Variants in LEO1 observed in about 807,000 individuals in gnomAD.
LEO1 encodes LEO1 component of Paf1/RNA polymerase II complex.
A neutral mutation model predicts 80.4 loss-of-function variants in LEO1; 34 were observed. That is an observed-to-expected ratio of 0.42 (90% CI 0.32 to 0.56). The LOEUF (loss-of-function observed/expected upper bound fraction) is 0.56. LEO1 is among the 20% of genes least tolerant of loss of function. The pLI, the probability that LEO1 is intolerant of heterozygous loss-of-function variation, is 0.10. For synonymous variants in LEO1, 262 were observed against 274.9 expected (o/e 0.95, Z 0.46); for missense variants, 631 against 814.2 (o/e 0.77, Z 2.74).
intron 6 of LEO1, among the ~76,000 whole-genome samples, chr15:51,958,022 A>G (rs954038574): frequency 2.1e-5 from 1 of 48,358 alleles, no homozygotes; most frequent in African/African-American, 8.5e-5. Context: ...CTCCTTCTCA[A>G]AAAAAAATAT....
At chr15:51,970,692 A>G (rs1014718616) in intron 1 of LEO1, among the ~76,000 whole-genome samples, 5 of 152,220 alleles carry the variant, frequency 3.3e-5, no homozygotes, top group African/African-American at 1.2e-4. Flanking sequence ...GCATATGAGG[A>G]GTAAGTGCTT....
intron 11 of LEO1, among the ~76,000 whole-genome samples, chr15:51,939,090 C>CAGGA (rs572967967): frequency 3.5e-4 from 53 of 152,310 alleles, no homozygotes; most frequent in African/African-American, 1.2e-3. Context: ...GAGACTGAGG[C>CAGGA]AGGAGAATCA....
chr15:51,953,595 G>A (rs2141759385), intron 7 of LEO1, among the ~76,000 whole-genome samples: 1 of 152,092 alleles, frequency 6.6e-6, no homozygotes, highest in Non-Finnish European at 1.5e-5. Flanking sequence ...ACTCCAGCCT[G>A]GGCGACAGGA....
chr15:51,943,198 T>C (rs920688066), intron 11 of LEO1, among the ~76,000 whole-genome samples: 6 of 151,298 alleles, frequency 4.0e-5, no homozygotes, highest in Non-Finnish European at 7.4e-5. Flanking sequence ...GCCAACATAG[T>C]GAAACCCCAT....
rs2057072836 is a variant in LEO1 at position 51,966,001 on chromosome 15, T to C, written c.562A>G (p.Thr188Ala). ...AGCTGAGGCCTCTCCTCATCATCTG[T>C]GTTCTGCATTTTCTCATCATCGTCA... Reference protein sequence around the residue: ...NSDDDEKMQNTDDEERPQLSD... With the variant: ...NSDDDEKMQNADDEERPQLSD... Residue 188 changes from threonine (T) to alanine (A), a missense_variant, in exon 2 of 12, where the codon ACA becomes GCA. By Grantham distance (58) the Thr-to-Ala change is moderately conservative. Transcript: ENST00000299601. The C allele has an allele frequency of 2.5e-6, 4 of 1,614,154 alleles. No homozygotes were observed. Among genetic ancestry groups the C allele is most frequent in the Non-Finnish European group, 3.4e-6 (4 of 1,180,036 alleles).
At chr15:51,970,840 T>C (rs1034755287) in intron 1 of LEO1, among the ~76,000 whole-genome samples, 2 of 152,164 alleles carry the variant, frequency 1.3e-5, no homozygotes, top group African/African-American at 4.8e-5. Flanking sequence ...AAATAGCTCC[T>C]ATTCATATTT....
chr15:51,946,715 A>AT (rs1266791153), intron 11 of LEO1, among the ~76,000 whole-genome samples: 4 of 151,716 alleles, frequency 2.6e-5, no homozygotes, highest in Non-Finnish European at 4.4e-5. Context: ...TAATTTTTGT[A>AT]TTTTTTTGGA....
At chr15:51,962,621 AC>A in intron 2 of LEO1, 128 bp from the exon 3 acceptor site, 1 of 626,550 alleles carries the variant, frequency 1.6e-6, no homozygotes, top group Non-Finnish European at 2.8e-6. Flanking sequence ...AGAGGAATGA[AC>A]TGCTGATACA....
chr15:51,944,273 A>G (rs1290892797), intron 11 of LEO1, among the ~76,000 whole-genome samples: 1 of 152,200 alleles, frequency 6.6e-6, no homozygotes, highest in African/African-American at 2.4e-5. Context: ...CATCAGAACA[A>G]TGGAGGGCAG....
chr15:51,970,493 C>A (rs867000892), intron 1 of LEO1, among the ~76,000 whole-genome samples: 2 of 152,288 alleles, frequency 1.3e-5, no homozygotes, highest in South Asian at 2.1e-4. Flanking sequence ...TTAGGGTGTG[C>A]ACATTCAATG....
rs2057008438 is a variant in LEO1, at chr15:51,958,758, G to T, written c.1229C>A (p.Thr410Asn). The change falls in exon 6 of 12, where the codon ACC becomes AAC. Residue 410 changes from threonine to asparagine, a missense_variant. Thr to Asn is a moderately conservative substitution (Grantham distance 65). Coordinates refer to ENST00000299601, the MANE Select transcript of LEO1 (RefSeq NM_138792.4). Reference sequence around the variant, plus strand: ...AAATGGTACCTTTAATTTTAACCTGGTTCTACCTTCTTCATCCAGCATTTC... The same window carrying T: ...AAATGGTACCTTTAATTTTAACCTGTTTCTACCTTCTTCATCCAGCATTTC... ...DEEMLDEEGR[T>N]RLKLKVENTI... The T allele has an allele frequency of 1.3e-6, 2 of 1,591,750 alleles. No individual in the cohort carries two copies. Among genetic ancestry groups the T allele is most frequent in the East Asian group, 2.2e-5 (1 of 44,534 alleles).
chr15:51,958,596 T>A, intron 6 of LEO1, 146 bp downstream of exon 6: 1 of 608,208 alleles, frequency 1.6e-6, no homozygotes, highest in Non-Finnish European at 2.9e-6. Context: ...AATTCTTTCC[T>A]AATAGTCAAC....
intron 1 of LEO1, among the ~76,000 whole-genome samples, chr15:51,967,515 G>A (rs548565148): frequency 7.7e-6 from 1 of 129,534 alleles, no homozygotes; most frequent in African/African-American, 2.9e-5. Context: ...CCAAATTTAT[G>A]AAAAATATAG....
chr15:51,948,963 G>A (rs961911042), intron 10 of LEO1, among the ~76,000 whole-genome samples: 7 of 152,274 alleles, frequency 4.6e-5, no homozygotes, highest in South Asian at 4.1e-4. Flanking sequence ...GTGCCTTTGG[G>A]CAAATTAGTC....
At chr15:51,938,418 T>C (rs949442053) in intron 11 of LEO1, among the ~76,000 whole-genome samples, 158 bp from the exon 12 acceptor site, 2 of 152,220 alleles carry the variant, frequency 1.3e-5, no homozygotes, top group Non-Finnish European at 2.9e-5. Context: ...AACTGTGAAC[T>C]AATCTCTCAC....
Position 51,949,897 on chromosome 15 carries a change from A to T in LEO1, c.1709T>A (p.Leu570Gln). The change falls in exon 10 of 12, where the codon CTG (leucine) becomes CAG (glutamine). Residue 570 changes from leucine to glutamine, a missense_variant. Physicochemically the swap from Leu to Gln is moderately radical, Grantham distance 113. Coordinates refer to ENST00000299601, the MANE Select transcript of LEO1 (RefSeq NM_138792.4). ...QHQRGLSASY[L>Q]EPDRYDEEEE... ...CTCCTCATCGTATCGATCAGGTTCC[A>T]GGTAACTGGCGCTCAGCCCCCGCTG... The T allele has an allele frequency of 6.2e-7, 1 of 1,614,000 alleles. No individual in the cohort carries two copies. The highest frequency in any genetic ancestry group is 8.5e-7 in the Non-Finnish European group (1 of 1,180,012).
chr15:51,971,653 C>T, intron 1 of LEO1, 35 bp downstream of exon 1: 1 of 1,609,358 alleles, frequency 6.2e-7, no homozygotes, highest in African/African-American at 1.3e-5. Context: ...GGAAGGCCTG[C>T]CACGCACCCA....
intron 11 of LEO1, among the ~76,000 whole-genome samples, chr15:51,939,693 G>A (rs967407752): frequency 1.1e-4 from 16 of 152,186 alleles, no homozygotes; most frequent in African/African-American, 2.9e-4. Flanking sequence ...ATCTTAAAAC[G>A]TTTTACATGC....
chr15:51,946,072 C>G (rs2056898707), intron 11 of LEO1, among the ~76,000 whole-genome samples: 1 of 151,684 alleles, frequency 6.6e-6, no homozygotes, highest in Admixed American at 6.6e-5. Context: ...GGCCTATTCT[C>G]TTATAATATG....
Sources: gnomAD v4.1 joint callset for allele counts (sites outside exome capture counted in the v4.1 genomes callset) on GRCh38, gnomAD v4.1.1 for gene constraint, MANE v1.5 for transcripts, NCBI Gene and HGNC (gene_info 2026-07-23, HGNC 2026-07-21) for gene names.